Variants in PARD3 observed in about 807,000 individuals in gnomAD.
PARD3 encodes par-3 family cell polarity regulator.
Under a neutral mutation model 155.4 loss-of-function variants are expected in PARD3, and 75 were observed. The observed-to-expected ratio is 0.48, with a 90% CI of 0.40 to 0.58. PARD3 has a LOEUF of 0.58. PARD3 is among the 20% of genes least tolerant of loss of function. PARD3 has a pLI of 0.00. For synonymous variants in PARD3, 576 were observed against 610.5 expected (o/e 0.94, Z 0.83); for missense variants, 1,642 against 1,721.7 (o/e 0.95, Z 0.82).
At chr10:34,551,511 G>C (rs184417924) in intron 2 of PARD3, among the ~76,000 whole-genome samples, 2 of 152,266 alleles carry the variant, frequency 1.3e-5, no homozygotes, top group South Asian at 4.1e-4. Flanking sequence ...GATTCCAATT[G>C]CAACAGCCCT....
chr10:34,316,232 G>GTA (rs1431792110), intron 20 of PARD3, among the ~76,000 whole-genome samples: 1 of 152,160 alleles, frequency 6.6e-6, no homozygotes, highest in African/African-American at 2.4e-5. Flanking sequence ...ATATGTTTAG[G>GTA]GGTTTAATTT....
chr10:34,599,865 T>C (rs1445161842), intron 2 of PARD3, among the ~76,000 whole-genome samples: 1 of 152,162 alleles, frequency 6.6e-6, no homozygotes, highest in African/African-American at 2.4e-5. Flanking sequence ...ATTTTCCTTT[T>C]AATAAAAGGC....
rs184340806 is a variant in PARD3 at position 34,470,306 on chromosome 10, G to A, written c.404-43C>T. On this transcript the variant is annotated intron_variant, in intron 3 of 24. Transcript: ENST00000374788. ...CTATGCTGAAAAATAAGATACTAAT[G>A]TTGGTAAACTACATGTTAGGAGAAC... The A allele has an allele frequency of 9.4e-5, 131 of 1,399,828 alleles. 1 individual carries two copies. Among genetic ancestry groups the A allele is most frequent in the Admixed American group, 1.5e-4 (7 of 45,536 alleles). The allele number at this position is 1,399,828 out of a possible 1,614,324, so 86.7% of individuals were successfully genotyped here. A position where few individuals can be genotyped will look rare whatever the true frequency, so the allele number is the denominator to read the frequency against.
intron 3 of PARD3, among the ~76,000 whole-genome samples, chr10:34,472,926 G>A (rs1589698510): frequency 6.6e-6 from 1 of 152,282 alleles, no homozygotes; most frequent in Non-Finnish European, 1.5e-5. Flanking sequence ...CACAAACATT[G>A]TGTTAATGTG....
intron 22 of PARD3, among the ~76,000 whole-genome samples, chr10:34,175,868 AAACAG>A (rs1380959671): frequency 6.6e-6 from 1 of 152,200 alleles, no homozygotes; most frequent in Non-Finnish European, 1.5e-5. Flanking sequence ...TTATATTGCT[AAACAG>A]AACAGGTGTT....
intron 2 of PARD3, among the ~76,000 whole-genome samples, chr10:34,636,750 G>A (rs1564445671): frequency 6.6e-6 from 1 of 152,218 alleles, no homozygotes; most frequent in Admixed American, 6.5e-5. Context: ...AAAAGGTGGG[G>A]CAGGGCGAGG....
chr10:34,509,047 C>T (rs1387426209), intron 3 of PARD3, among the ~76,000 whole-genome samples: 1 of 152,158 alleles, frequency 6.6e-6, no homozygotes, highest in Non-Finnish European at 1.5e-5. Flanking sequence ...TGTACTCTTT[C>T]TGAAATGTAA....
chr10:34,748,744 T>C (rs1009514903), intron 1 of PARD3, among the ~76,000 whole-genome samples: 6 of 152,182 alleles, frequency 3.9e-5, no homozygotes, highest in Admixed American at 1.3e-4. Flanking sequence ...GCTTCATTCA[T>C]GAAGACAGAC....
In PARD3 at chr10:34,752,115, T is replaced by C. The variant is rs184969890; in HGVS notation, c.121-55696A>G. Among the ~76,000 whole-genome samples the C allele has an allele frequency of 3.3e-5, 5 of 152,204 alleles. 1 individual carries two copies. The highest frequency in any genetic ancestry group is 7.4e-5 in the Non-Finnish European group (5 of 68,008). On this transcript the variant is annotated intron_variant, in intron 1 of 24. Transcript: ENST00000374788. ...AATTTAGTCATATTTTCTTACAGAATAACAATGTATTTTTGTGGGGGGGTT... is the reference window on the plus strand; with the variant it reads ...AATTTAGTCATATTTTCTTACAGAACAACAATGTATTTTTGTGGGGGGGTT...
intron 5 of PARD3, among the ~76,000 whole-genome samples, chr10:34,428,704 T>C (rs1432727705): frequency 6.6e-6 from 1 of 152,152 alleles, no homozygotes; most frequent in Non-Finnish European, 1.5e-5. Context: ...CAGGAAGGAT[T>C]ATAAAGCCAG....
At chr10:34,773,760 C>T (rs879729725) in intron 1 of PARD3, among the ~76,000 whole-genome samples, 1 of 152,098 alleles carries the variant, frequency 6.6e-6, no homozygotes, top group Non-Finnish European at 1.5e-5. Context: ...GTGAATTGCC[C>T]ACTTGGGTCC....
intron 2 of PARD3, among the ~76,000 whole-genome samples, chr10:34,641,740 G>A (rs1396709605): frequency 3.9e-5 from 6 of 152,162 alleles, no homozygotes; most frequent in Non-Finnish European, 7.4e-5. Flanking sequence ...GCCCCCATTC[G>A]TGAAATGGGC....
At chr10:34,557,565 GC>G (rs1222666986) in intron 2 of PARD3, among the ~76,000 whole-genome samples, 1 of 152,100 alleles carries the variant, frequency 6.6e-6, no homozygotes, top group East Asian at 1.9e-4. Context: ...TGTAACCTCT[GC>G]CTCCCAGGTT....
In PARD3 at chr10:34,590,050, C is replaced by T. The variant is rs757855153; in HGVS notation, c.223-72891G>A. 2.0e-5 allele frequency among the ~76,000 whole-genome samples: 3 copies of T among 152,212 alleles called. No individual in the cohort carries two copies. The South Asian group carries it at 6.2e-4, about 32-fold the overall frequency. On this transcript the variant is annotated intron_variant, in intron 2 of 24. Transcript: ENST00000374788. ...TTCATACACTTATTTCCATGAAATG[C>T]CAATTGCCAGTCTCACTCTGGGTCT...
At chr10:34,279,234 C>G (rs1025536480) in intron 21 of PARD3, among the ~76,000 whole-genome samples, 2 of 149,370 alleles carry the variant, frequency 1.3e-5, no homozygotes, top group Non-Finnish European at 3.0e-5. Context: ...ACTGCAGCCT[C>G]GAACTCCTGG....
intron 6 of PARD3, among the ~76,000 whole-genome samples, chr10:34,401,115 A>G (rs2132193355): frequency 6.6e-6 from 1 of 152,310 alleles, no homozygotes; most frequent in East Asian, 1.9e-4. Context: ...GTCAATGTCT[A>G]TATCCCCAAC....
chr10:34,696,294 AGGTTCCCCAGG>A lies in PARD3; in HGVS notation c.222+13_222+23del. 7.1e-7 allele frequency: 1 copy of A among 1,414,792 alleles called. No individual in the cohort carries two copies. Among genetic ancestry groups the A allele is most frequent in the Non-Finnish European group, 9.9e-7 (1 of 1,007,412 alleles). 87.6% of individuals were successfully genotyped at this position (1,414,792 alleles called of 1,614,324 possible). On this transcript the variant is annotated intron_variant, in intron 2 of 24. Coordinates refer to ENST00000374788, the MANE Select transcript of PARD3 (RefSeq NM_001184785.2). ...CAAAAAAAAAAAATGCATTCAGAAC[AGGTTCCCCAGG>A]ACCTGAACTCACTCTGTCTTTATCG...
chr10:34,794,444 C>A (rs1043429150), intron 1 of PARD3, among the ~76,000 whole-genome samples: 2 of 152,204 alleles, frequency 1.3e-5, no homozygotes, highest in Non-Finnish European at 2.9e-5. Flanking sequence ...TTTCCAAAAT[C>A]TTATCTAAGA....
chr10:34,469,841 T>C (rs1302951526), intron 4 of PARD3, among the ~76,000 whole-genome samples: 3 of 152,088 alleles, frequency 2.0e-5, no homozygotes, highest in Non-Finnish European at 4.4e-5. Context: ...ATGGAATCTA[T>C]TCAAAAAATG....
Sources: allele counts gnomAD v4.1 joint callset (sites outside exome capture counted in the v4.1 genomes callset), GRCh38; gene constraint gnomAD v4.1.1; transcripts MANE v1.5; gene names NCBI Gene and HGNC (gene_info 2026-07-23, HGNC 2026-07-21).